The following DDR2 variants were observed in gnomAD, a reference collection of about 807,000 sequenced individuals.
The protein encoded by DDR2 is discoidin domain receptor tyrosine kinase 2.
A neutral mutation model predicts 94.9 loss-of-function variants in DDR2; 27 were observed. The observed-to-expected ratio is 0.28, with a 90% CI of 0.21 to 0.39. The LOEUF (loss-of-function observed/expected upper bound fraction) is 0.39. Ranked by LOEUF, DDR2 falls within the 10% of genes least tolerant of loss-of-function variation. The pLI is 1.00. For missense variants in DDR2, 783 were observed against 1,076.0 expected, an observed-to-expected ratio of 0.73 and a Z score of 3.81; for synonymous variants, 382 against 377.2, an observed-to-expected ratio of 1.01 and a Z score of -0.15.
intron 2 of DDR2, among the ~76,000 whole-genome samples, chr1:162,690,305 A>G (rs1384853605): frequency 5.3e-5 from 8 of 152,180 alleles, no homozygotes; most frequent in Admixed American, 5.2e-4. Context: ...GTCTGGCTCC[A>G]GAGTCCATGT....
intron 2 of DDR2, among the ~76,000 whole-genome samples, chr1:162,705,771 G>A (rs748778557): frequency 5.3e-5 from 8 of 152,192 alleles, no homozygotes; most frequent in Non-Finnish European, 1.2e-4. Context: ...ACTGTCATCT[G>A]GCTAAGTTTC....
chr1:162,661,168 A>C (rs10494374), intron 2 of DDR2, among the ~76,000 whole-genome samples: 126,414 of 152,106 alleles, frequency 0.83, 53,191 homozygotes, highest in Middle Eastern at 0.93. Context: ...GACTTTCCAA[A>C]ATCCATTTAA....
rs573337582 is a variant in DDR2 at position 162,658,836 on chromosome 1, A to G, written c.-28+3462A>G. On this transcript the variant is annotated intron_variant, in intron 2 of 17. Transcript: ENST00000367921. ...AATGAGACCCTGTCTCAAAAAATAA[A>G]TAAATAAATAAATAAAAGTTCTTCA... Among the ~76,000 whole-genome samples, 13 of 150,806 alleles carry G rather than the reference A, an allele frequency of 8.6e-5. No homozygotes were observed. The South Asian group carries it at 2.1e-3, about 24-fold the overall frequency.
At chr1:162,652,210 AAATTGTCAT>A in intron 1 of DDR2, among the ~76,000 whole-genome samples, 1 of 152,318 alleles carries the variant, frequency 6.6e-6, no homozygotes, top group South Asian at 2.1e-4. Flanking sequence ...AAGGATTCAA[AAATTGTCAT>A]GCTTACCCGA....
At chr1:162,694,173 A>AT (rs1267011036) in intron 2 of DDR2, among the ~76,000 whole-genome samples, 1 of 151,688 alleles carries the variant, frequency 6.6e-6, no homozygotes, top group Admixed American at 6.6e-5. Context: ...TCCCGTTTCC[A>AT]TTTTTTTCTC....
Position 162,778,606 on chromosome 1 carries a change from G to T in DDR2, c.2310G>T (p.Val770=), listed in dbSNP as rs1647719424. Residue 770 remains valine (V), a synonymous_variant, in exon 17 of 18, where the codon GTG becomes GTT. Transcript: ENST00000367921. ...GCAAGTTCACTACAGCAAGTGATGT[G>T]TGGGCCTTTGGGGTTACTTTGTGGG... ...LLGKFTTASD[V]WAFGVTLWET... 1 of 1,613,938 alleles carries T rather than the reference G, an allele frequency of 6.2e-7. No homozygotes were observed. Among genetic ancestry groups the T allele is most frequent in the African/African-American group, 1.3e-5 (1 of 74,910 alleles).
rs73024601 is a variant in DDR2, at chr1:162,725,760, T to C, written c.82+6615T>C. ...CCCAGATTCATGGACCAGCCACGAATGGGCTACAGAGACCCGTGAATCCCC... is the reference window on the plus strand; with the variant it reads ...CCCAGATTCATGGACCAGCCACGAACGGGCTACAGAGACCCGTGAATCCCC... On this transcript the variant is annotated intron_variant, in intron 3 of 17. Transcript: ENST00000367921. Among the ~76,000 whole-genome samples the C allele has an allele frequency of 7.1e-3, 1,079 of 152,336 alleles. 14 individuals carry two copies. The highest frequency in any genetic ancestry group is 0.035 in the East Asian group (180 of 5,194).
At chr1:162,672,401 C>A (rs1658900217) in intron 2 of DDR2, among the ~76,000 whole-genome samples, 2 of 152,124 alleles carry the variant, frequency 1.3e-5, no homozygotes, top group Non-Finnish European at 2.9e-5. Context: ...GCGTTTCTAA[C>A]TTTTCCCTGT....
At chr1:162,755,394 A>T in intron 6 of DDR2, 91 bp downstream of exon 6, 1 of 1,516,050 alleles carries the variant, frequency 6.6e-7, no homozygotes, top group Non-Finnish European at 9.1e-7. Flanking sequence ...GGATGGGATC[A>T]GTTACTCCTG....
At chr1:162,737,247 C>T (rs529657893) in intron 3 of DDR2, among the ~76,000 whole-genome samples, 7 of 148,938 alleles carry the variant, frequency 4.7e-5, no homozygotes, top group South Asian at 2.1e-4. Flanking sequence ...CATGCTGGTG[C>T]GCTGCACCCA....
At chr1:162,723,876 A>G (rs1408252336) in intron 3 of DDR2, among the ~76,000 whole-genome samples, 4 of 152,178 alleles carry the variant, frequency 2.6e-5, no homozygotes, top group African/African-American at 9.7e-5. Flanking sequence ...GGTATCCAGA[A>G]TGCTTCCACT....
At chr1:162,641,671 A>G (rs1051623935) in intron 1 of DDR2, among the ~76,000 whole-genome samples, 6 of 152,210 alleles carry the variant, frequency 3.9e-5, no homozygotes, top group African/African-American at 1.4e-4. Context: ...GTCATATACT[A>G]TAGTCTTTGA....
intron 2 of DDR2, among the ~76,000 whole-genome samples, chr1:162,687,903 G>A (rs889776046): frequency 3.9e-5 from 6 of 152,108 alleles, no homozygotes; most frequent in African/African-American, 1.2e-4. Flanking sequence ...TTTATATGCC[G>A]CTGCAATCAG....
intron 1 of DDR2, among the ~76,000 whole-genome samples, chr1:162,637,251 G>A (rs1286738133): frequency 6.6e-6 from 1 of 151,912 alleles, no homozygotes; most frequent in African/African-American, 2.4e-5. Flanking sequence ...TTAGAAAATT[G>A]GTATCCACAT....
At chr1:162,778,966 G>A (rs1052417193) in intron 17 of DDR2, among the ~76,000 whole-genome samples, 1 of 152,246 alleles carries the variant, frequency 6.6e-6, no homozygotes, top group African/African-American at 2.4e-5. Context: ...GTCATGTCAG[G>A]TTTCTCCCCA....
chr1:162,720,256 A>G (rs1380853054), intron 3 of DDR2, among the ~76,000 whole-genome samples: 2 of 152,040 alleles, frequency 1.3e-5, no homozygotes, highest in African/African-American at 4.8e-5. Context: ...TACCTGGATT[A>G]AGAAACAGAA....
intron 9 of DDR2, among the ~76,000 whole-genome samples, chr1:162,761,797 A>G (rs534091311): frequency 6.6e-6 from 1 of 152,370 alleles, no homozygotes; most frequent in African/African-American, 2.4e-5. Context: ...GAAAATTTCT[A>G]AATATACACA....
rs188855353 is a variant in DDR2, at chr1:162,747,286, G to C, written c.83-5809G>C. Among the ~76,000 whole-genome samples, 84 of 152,212 alleles carry C rather than the reference G, an allele frequency of 5.5e-4. 1 individual carries two copies. Among genetic ancestry groups the C allele is most frequent in the African/African-American group, 1.9e-3 (81 of 41,540 alleles). On this transcript the variant is annotated intron_variant, in intron 3 of 17. Transcript: ENST00000367921. ...TAAAAACCTTGAAAAAAGATTAGAC[G>C]AATGGCTAACTAGAATAAACAGTGT...
intron 2 of DDR2, among the ~76,000 whole-genome samples, chr1:162,700,065 T>C (rs7520505): frequency 0.018 from 2,766 of 152,338 alleles, 76 homozygotes; most frequent in African/African-American, 0.062. Context: ...CAAACAAAGG[T>C]AGTTACTCAT....
Sources: gnomAD v4.1 joint callset for allele counts (sites outside exome capture counted in the v4.1 genomes callset) on GRCh38, gnomAD v4.1.1 for gene constraint, MANE v1.5 for transcripts, NCBI Gene and HGNC (gene_info 2026-07-23, HGNC 2026-07-21) for gene names.